Variants in FAM151B observed in about 807,000 individuals in gnomAD.
FAM151B encodes the protein protein FAM151B.
In FAM151B, 24 loss-of-function variants were observed where a neutral mutation model predicts 31.2. The observed-to-expected ratio is 0.77, with a 90% CI of 0.56 to 1.08. The LOEUF (loss-of-function observed/expected upper bound fraction) is 1.08. FAM151B is among the 50% of genes least tolerant of loss of function. The pLI, the probability that FAM151B is intolerant of heterozygous loss-of-function variation, is 0.00. For synonymous variants in FAM151B, 105 were observed against 111.4 expected (o/e 0.94, Z 0.36); for missense variants, 293 against 328.6 (o/e 0.89, Z 0.84).
At chr5:80,502,070 TTTAA>T (rs1349793166) in intron 2 of FAM151B, among the ~76,000 whole-genome samples, 153 bp downstream of exon 2, 1 of 151,974 alleles carries the variant, frequency 6.6e-6, no homozygotes, top group African/African-American at 2.4e-5. Flanking sequence ...TTATTTATTA[TTTAA>T]TTATTATTTA....
chr5:80,514,570 C>A (rs1744337053), intron 3 of FAM151B, among the ~76,000 whole-genome samples: 1 of 151,392 alleles, frequency 6.6e-6, no homozygotes, highest in Admixed American at 6.6e-5. Flanking sequence ...TCATTTCCTT[C>A]ACTGTGGCCA....
chr5:80,517,502 G>A (rs1246276521), intron 3 of FAM151B, among the ~76,000 whole-genome samples: 1 of 152,032 alleles, frequency 6.6e-6, no homozygotes, highest in African/African-American at 2.4e-5. Flanking sequence ...TAGAAAATAA[G>A]AACTACAACA....
chr5:80,526,211 A>G (rs986365276), intron 5 of FAM151B, among the ~76,000 whole-genome samples: 10 of 152,068 alleles, frequency 6.6e-5, no homozygotes, highest in African/African-American at 2.4e-4. Context: ...AAATCAGTGT[A>G]TCAATGGACT....
chr5:80,538,436 CTTTCTTTCTT>C (rs1385734365), intron 5 of FAM151B, among the ~76,000 whole-genome samples: 1,286 of 59,678 alleles, frequency 0.022, 26 homozygotes, highest in East Asian at 0.061. Flanking sequence ...TTCTTTCTTT[CTTTCTTTCTT>C]TCTCTTTCTT....
chr5:80,491,597 C>T (rs1743334004), intron 1 of FAM151B, among the ~76,000 whole-genome samples: 2 of 152,140 alleles, frequency 1.3e-5, no homozygotes, highest in Non-Finnish European at 2.9e-5. Context: ...GAACTTTGCA[C>T]CCTTTGACTG....
At position 80,541,838 on chromosome 5, in the gene FAM151B, A is replaced by G; in HGVS notation, c.*6A>G. The G allele has an allele frequency of 1.2e-6, 2 of 1,608,776 alleles. No homozygotes were observed. The highest frequency in any genetic ancestry group is 1.7e-6 in the Non-Finnish European group (2 of 1,178,070). ...GAATCAAAGTTAATCTCTAAGAAGAAGATTCTCAATTATTTCCTGTGTTTT... is the reference window on the plus strand; with the variant it reads ...GAATCAAAGTTAATCTCTAAGAAGAGGATTCTCAATTATTTCCTGTGTTTT... On this transcript the variant is annotated 3_prime_UTR_variant, in exon 6 of 6. Transcript: ENST00000282226.
At chr5:80,500,340 G>T (rs930544395) in intron 1 of FAM151B, 4 of 895,272 alleles carry the variant, frequency 4.5e-6, no homozygotes, top group East Asian at 2.4e-5. Context: ...ACCATGGAGG[G>T]TGTAGAAGAG....
intron 2 of FAM151B, among the ~76,000 whole-genome samples, chr5:80,503,716 C>A (rs1209946386): frequency 2.6e-5 from 4 of 151,898 alleles, no homozygotes. Flanking sequence ...ATATACAAAG[C>A]CCTTTTGCCA....
At chr5:80,490,181 A>C (rs541842943) in intron 1 of FAM151B, among the ~76,000 whole-genome samples, 5 of 152,088 alleles carry the variant, frequency 3.3e-5, no homozygotes, top group Non-Finnish European at 7.4e-5. Flanking sequence ...TGAGCCCTGG[A>C]GTTTGGATCA....
intron 3 of FAM151B, 135 bp downstream of exon 3, chr5:80,513,904 C>T: frequency 1.2e-6 from 1 of 842,484 alleles, no homozygotes; most frequent in Non-Finnish European, 1.7e-6. Flanking sequence ...CCTAAATGAA[C>T]CTAAGACCCA....
chr5:80,513,831 T>TC lies in FAM151B; in HGVS notation c.317+62_317+63insC, dbSNP rs1744297087. 5.7e-6 allele frequency: 8 copies of TC among 1,409,494 alleles called. No individual in the cohort carries two copies. The South Asian group carries it at 1.1e-4, about 20-fold the overall frequency. 87.3% of individuals were successfully genotyped at this position (1,409,494 alleles called of 1,614,324 possible). A position where few individuals can be genotyped will look rare whatever the true frequency, so the allele number is the denominator to read the frequency against. On this transcript the variant is annotated intron_variant, in intron 3 of 5. Transcript: ENST00000282226. The stretch of plus-strand genomic sequence containing the variant: ...AGTAATAGCTGTGCCTGACTACCTA[T>TC]TTTTTTTAATGTTATCCAAACTGAA...
chr5:80,505,749 A>ATTTTTTT (rs386404255), intron 2 of FAM151B, among the ~76,000 whole-genome samples: 9 of 77,880 alleles, frequency 1.2e-4, no homozygotes, highest in Non-Finnish European at 1.6e-4. Flanking sequence ...TCCTATAAGA[A>ATTTTTTT]TTTTTTTTTT....
chr5:80,505,471 T>A (rs1163363977), intron 2 of FAM151B, among the ~76,000 whole-genome samples: 1 of 151,560 alleles, frequency 6.6e-6, no homozygotes, highest in Non-Finnish European at 1.5e-5. Context: ...CTCGGCTCAC[T>A]GCAAGCTCCG....
At chr5:80,534,369 C>T (rs1745397920) in intron 5 of FAM151B, among the ~76,000 whole-genome samples, 1 of 151,634 alleles carries the variant, frequency 6.6e-6, no homozygotes, top group South Asian at 2.1e-4. Context: ...AAAATACTAG[C>T]AAACTGAATT....
intron 2 of FAM151B, chr5:80,510,847 A>G (rs1041378341): frequency 6.6e-6 from 1 of 152,206 alleles, no homozygotes; most frequent in African/African-American, 2.4e-5. Context: ...AGGAGCTTTT[A>G]GTAAATTAAA....
chr5:80,511,435 C>CAAAAAAAA (rs57587683), intron 2 of FAM151B, among the ~76,000 whole-genome samples: 2 of 54,080 alleles, frequency 3.7e-5, no homozygotes, highest in African/African-American at 7.1e-5. Flanking sequence ...GACTCTGTCT[C>CAAAAAAAA]AAAAAAAAAA....
chr5:80,493,934 CT>C (rs1463127620), intron 1 of FAM151B, among the ~76,000 whole-genome samples: 1 of 152,182 alleles, frequency 6.6e-6, no homozygotes, highest in Non-Finnish European at 1.5e-5. Context: ...CTAATAAAAA[CT>C]TGCTGGTTTT....
chr5:80,498,612 A>C (rs979508644), intron 1 of FAM151B: 2 of 871,286 alleles, frequency 2.3e-6, no homozygotes, highest in Non-Finnish European at 3.8e-6. Flanking sequence ...TGCCATAAAC[A>C]CTCCAGCACC....
chr5:80,513,637 T>C lies in FAM151B; in HGVS notation c.185T>C (p.Leu62Pro), dbSNP rs1744285059. ...TAHMIEADVL[L>P]PSDGSEHSQP... ...CACATGATAGAGGCTGATGTCCTTC[T>C]TCCAAGTGATGGATCAGAACACAGC... is the stretch of plus-strand genomic sequence containing the variant. The change falls in exon 3 of 6, where the codon CTT becomes CCT. Residue 62 changes from leucine (L) to proline (P), a missense_variant. Transcript: ENST00000282226. 8.1e-6 allele frequency: 13 copies of C among 1,613,990 alleles called. No individual in the cohort carries two copies. Among genetic ancestry groups the C allele is most frequent in the Non-Finnish European group, 1.1e-5 (13 of 1,179,996 alleles).
Sources: allele counts gnomAD v4.1 joint callset (sites outside exome capture counted in the v4.1 genomes callset), GRCh38; gene constraint gnomAD v4.1.1; transcripts MANE v1.5; gene names NCBI Gene and HGNC (gene_info 2026-07-23, HGNC 2026-07-21).